The following ITGA1 variants were observed in gnomAD, a reference collection of about 807,000 sequenced individuals.
ITGA1 encodes integrin subunit alpha 1, also known as integrin alpha-1.
ITGA1 carries 85 observed loss-of-function variants against 145.9 expected under a neutral mutation model. The observed-to-expected ratio is 0.58, with a 90% CI of 0.49 to 0.70. ITGA1 has a LOEUF of 0.70. Ranked by LOEUF, ITGA1 falls within the 30% of genes least tolerant of loss-of-function variation. ITGA1 has a pLI of 0.00. For missense variants in ITGA1, 1,351 were observed against 1,418.7 expected, an observed-to-expected ratio of 0.95 and a Z score of 0.77; for synonymous variants, 520 against 495.3, an observed-to-expected ratio of 1.05 and a Z score of -0.66.
At chr5:52,826,293 G>T (rs4865539) in intron 1 of ITGA1, among the ~76,000 whole-genome samples, 1 of 152,024 alleles carries the variant, frequency 6.6e-6, no homozygotes, top group Non-Finnish European at 1.5e-5. Context: ...ACTCTCTTCA[G>T]TTCTATGAAG....
In ITGA1 at chr5:52,955,608, G is replaced by A. The variant is rs1353929936; in HGVS notation, c.*3157G>A. On this transcript the variant is annotated 3_prime_UTR_variant, in exon 29 of 29. Transcript: ENST00000282588. ...AGGAGAAGGAAGGAGTTGAAAGAAG[G>A]AAAATATAAAGGGTGATCCACAGTG... 6.6e-6 allele frequency: 1 copy of A among 152,004 alleles called. No homozygotes were observed. The highest frequency in any genetic ancestry group is 6.5e-5 in the Admixed American group (1 of 15,280). The allele number at this position is 152,004 out of a possible 1,614,324, so 9.4% of individuals were successfully genotyped here. A position where few individuals can be genotyped will look rare whatever the true frequency, so the allele number is the denominator to read the frequency against.
chr5:52,849,396 T>C lies in ITGA1; in HGVS notation c.93T>C (p.Val31=), dbSNP rs1749391761. 6.2e-7 allele frequency: 1 copy of C among 1,612,258 alleles called. No homozygotes were observed. The highest frequency in any genetic ancestry group is 1.1e-5 in the South Asian group (1 of 90,942). The change falls in exon 2 of 29, where the codon GTT becomes GTC. Residue 31 remains valine, a synonymous_variant. Coordinates refer to ENST00000282588, the MANE Select transcript of ITGA1 (RefSeq NM_181501.2). ...TACGCTGCTGCGTATCATTCAATGT[T>C]GATGTGAAAAATTCAATGACTTTCA... The part of the protein sequence containing the change: ...VVLRCCVSFN[V]DVKNSMTFSG...
chr5:52,796,828 T>A (rs1748351831), intron 1 of ITGA1, among the ~76,000 whole-genome samples: 1 of 152,092 alleles, frequency 6.6e-6, no homozygotes. Context: ...AAGTTTGAGA[T>A]AACATTTAAG....
Position 52,910,347 on chromosome 5 carries a change from G to A in ITGA1, c.1785G>A (p.Leu595=), listed in dbSNP as rs749310773. ...GFNDIVIGAP[L]EDDHGGAVYI... ...ATGACATCGTGATAGGAGCTCCGCT[G>A]GAAGATGATCACGGGGGAGCTGTGT... Residue 595 remains leucine, a synonymous_variant, in exon 14 of 29, where the codon CTG becomes CTA. Coordinates refer to ENST00000282588, the MANE Select transcript of ITGA1 (RefSeq NM_181501.2). The A allele has an allele frequency of 1.9e-6, 3 of 1,613,876 alleles. No homozygotes were observed. The highest frequency in any genetic ancestry group is 2.2e-5 in the South Asian group (2 of 91,084).
rs888204034 is a variant in ITGA1, at chr5:52,881,878, A to C, written c.630A>C (p.Gly210=). The part of the protein sequence containing the change: ...MDIGPKQTQV[G]IVQYGENVTH... ...ACAGTGGCTTGGTATTTCAGGTTGG[A>C]ATTGTACAGTATGGAGAAAACGTGA... The change falls in exon 7 of 29, where the codon GGA becomes GGC. Residue 210 remains glycine, a synonymous_variant. Transcript: ENST00000282588. 3 of 1,610,060 alleles carry C rather than the reference A, an allele frequency of 1.9e-6. No homozygotes were observed. The highest frequency in any genetic ancestry group is 2.5e-6 in the Non-Finnish European group (3 of 1,178,466).
chr5:52,817,948 T>C (rs548761550), intron 1 of ITGA1, among the ~76,000 whole-genome samples: 1 of 152,300 alleles, frequency 6.6e-6, no homozygotes, highest in Admixed American at 6.5e-5. Context: ...TATCATGGTA[T>C]GGCAAAAGCA....
Position 52,930,320 on chromosome 5 carries a change from G to A in ITGA1, c.2771+619G>A, listed in dbSNP as rs114123709. On this transcript the variant is annotated intron_variant, in intron 21 of 28. Transcript: ENST00000282588. ...TTATAATCACTACATAGATGTAGAC[G>A]AAATGAATAAATTAGAGAAATGAAT... Among the ~76,000 whole-genome samples the A allele has an allele frequency of 2.3e-3, 347 of 152,210 alleles. 1 individual carries two copies. Among genetic ancestry groups the A allele is most frequent in the African/African-American group, 7.8e-3 (326 of 41,536 alleles).
chr5:52,840,608 T>A (rs6898071), intron 1 of ITGA1, among the ~76,000 whole-genome samples: 3,524 of 152,240 alleles, frequency 0.023, 129 homozygotes, highest in African/African-American at 0.077. Context: ...AAAGCAGGCA[T>A]TTATTTGTGG....
chr5:52,813,128 A>C (rs1330986724), intron 1 of ITGA1, among the ~76,000 whole-genome samples: 1 of 152,216 alleles, frequency 6.6e-6, no homozygotes, highest in Non-Finnish European at 1.5e-5. Context: ...TGCCAGGAAT[A>C]GTAACCTCTT....
chr5:52,828,993 A>G (rs1240641862), intron 1 of ITGA1, among the ~76,000 whole-genome samples: 28 of 152,120 alleles, frequency 1.8e-4, no homozygotes, highest in Admixed American at 1.8e-3. Context: ...TTTCTCTTAT[A>G]AGATTACCAG....
chr5:52,928,824 CAA>C (rs1436522893), intron 20 of ITGA1, among the ~76,000 whole-genome samples: 1 of 152,140 alleles, frequency 6.6e-6, no homozygotes, highest in Non-Finnish European at 1.5e-5. Context: ...TTGGTCATTT[CAA>C]AGTTATTTTC....
intron 17 of ITGA1, among the ~76,000 whole-genome samples, chr5:52,921,632 G>A (rs1750731380): frequency 6.6e-6 from 1 of 152,144 alleles, no homozygotes; most frequent in Non-Finnish European, 1.5e-5. Context: ...GTCTATGTTT[G>A]TCCACAAATT....
chr5:52,897,431 C>T, intron 9 of ITGA1, 24 bp from the exon 10 acceptor site: 1 of 1,517,310 alleles, frequency 6.6e-7, no homozygotes, highest in South Asian at 1.1e-5. Flanking sequence ...TACTTATTTA[C>T]AGTGATATTT....
chr5:52,855,463 A>G (rs551778548), intron 2 of ITGA1, among the ~76,000 whole-genome samples: 20 of 152,304 alleles, frequency 1.3e-4, no homozygotes, highest in African/African-American at 4.3e-4. Flanking sequence ...CATTCAATAG[A>G]TATTTATTGA....
At chr5:52,922,936 A>G in intron 18 of ITGA1, 49 bp downstream of exon 18, 1 of 1,069,604 alleles carries the variant, frequency 9.3e-7, no homozygotes, top group Non-Finnish European at 1.5e-6. Context: ...TGAACATTTT[A>G]ATGTCACTAG....
rs1348519630 is a variant in ITGA1, at chr5:52,915,660, G to A, written c.1988+66G>A. 3 of 1,565,996 alleles carry A rather than the reference G, an allele frequency of 1.9e-6. No homozygotes were observed. In the East Asian group the frequency reaches 6.7e-5, roughly 35 times the overall value. ...CACTTGCAGAGCTCCCAGTGTGATTGGAGCTCATGTCATACCAAATATCTA... is the reference window on the plus strand; with the variant it reads ...CACTTGCAGAGCTCCCAGTGTGATTAGAGCTCATGTCATACCAAATATCTA... On this transcript the variant is annotated intron_variant, in intron 15 of 28. Coordinates refer to ENST00000282588, the MANE Select transcript of ITGA1 (RefSeq NM_181501.2).
At chr5:52,914,684 CT>C (rs1750616245) in intron 14 of ITGA1, among the ~76,000 whole-genome samples, 1 of 151,936 alleles carries the variant, frequency 6.6e-6, no homozygotes, top group African/African-American at 2.4e-5. Context: ...CCTTAGTAGG[CT>C]TCTTATTTTA....
intron 1 of ITGA1, among the ~76,000 whole-genome samples, chr5:52,822,764 C>T (rs773998881): frequency 2.3e-4 from 35 of 152,358 alleles, no homozygotes; most frequent in Middle Eastern, 3.4e-3. Context: ...CCCAGGGACA[C>T]ATAATGAAGA....
chr5:52,906,802 T>G (rs1461510736), intron 12 of ITGA1, among the ~76,000 whole-genome samples: 4 of 152,180 alleles, frequency 2.6e-5, no homozygotes, highest in Non-Finnish European at 5.9e-5. Flanking sequence ...TCAGCCCTCC[T>G]GCTCTGCAAG....
Sources: gnomAD v4.1 joint callset for allele counts (sites outside exome capture counted in the v4.1 genomes callset) on GRCh38, gnomAD v4.1.1 for gene constraint, MANE v1.5 for transcripts, NCBI Gene and HGNC (gene_info 2026-07-23, HGNC 2026-07-21) for gene names.